CCDC88A: variants seen among roughly 807,000 people sequenced by gnomAD.
CCDC88A encodes coiled-coil and HOOK domain protein 88A.
CCDC88A carries 54 observed loss-of-function variants against 234.3 expected under a neutral mutation model. That is an observed-to-expected ratio of 0.23 (90% CI 0.19 to 0.29). The LOEUF is 0.29. Ranked by LOEUF, CCDC88A falls within the 10% of genes least tolerant of loss-of-function variation. CCDC88A has a pLI of 1.00. For missense variants in CCDC88A, 1,832 were observed against 2,123.4 expected, an observed-to-expected ratio of 0.86 and a Z score of 2.70; for synonymous variants, 753 against 737.8, an observed-to-expected ratio of 1.02 and a Z score of -0.33.
chr2:55,379,209 G>A (rs757897237), intron 3 of CCDC88A, among the ~76,000 whole-genome samples: 2 of 152,000 alleles, frequency 1.3e-5, no homozygotes, highest in Non-Finnish European at 2.9e-5. Flanking sequence ...ACTCAACTTA[G>A]CTCTAAAGAA....
Position 55,328,441 on chromosome 2 carries a change from C to A in CCDC88A, c.2856-6G>T. The A allele has an allele frequency of 6.5e-7, 1 of 1,534,538 alleles. No individual in the cohort carries two copies. Among genetic ancestry groups the A allele is most frequent in the South Asian group, 1.2e-5 (1 of 80,866 alleles). On this transcript the variant is annotated splice_polypyrimidine_tract_variant and splice_region_variant and intron_variant, in intron 16 of 32. Transcript: ENST00000436346. The surrounding 1 kb of genome is among the most constrained non-coding windows in gnomAD (Gnocchi z 4.3). ...ATTCCAAAAGTTTATACCTACTATC[C>A]AAGTACAAAGTAATGTAGTTCATTA...
rs146849168 is a variant in CCDC88A at position 55,309,088 on chromosome 2, A to C, written c.4173-65T>G. On this transcript the variant is annotated intron_variant, in intron 24 of 32. Coordinates refer to ENST00000436346, the MANE Select transcript of CCDC88A (RefSeq NM_001365480.1). The surrounding 1 kb of genome is among the most constrained non-coding windows in gnomAD (Gnocchi z 5.1). The stretch of plus-strand genomic sequence containing the variant: ...ACATACAAATCCTTCACAAAAGTAG[A>C]AGTCATCACAATATTAGAAATAACC... The C allele has an allele frequency of 2.7e-5, 39 of 1,460,150 alleles. No homozygotes were observed. The African/African-American group carries it at 4.6e-4, about 17-fold the overall frequency. 90.4% of individuals were successfully genotyped at this position (1,460,150 alleles called of 1,614,324 possible). A position where few individuals can be genotyped will look rare whatever the true frequency, so the allele number is the denominator to read the frequency against.
intron 3 of CCDC88A, among the ~76,000 whole-genome samples, chr2:55,378,487 T>C (rs1191907108): frequency 6.6e-6 from 1 of 152,132 alleles, no homozygotes; most frequent in Non-Finnish European, 1.5e-5. Context: ...TGATGTACAA[T>C]ACATATGCCT....
intron 2 of CCDC88A, among the ~76,000 whole-genome samples, chr2:55,409,738 CTTTTTT>C (rs61703330): frequency 3.6e-5 from 4 of 111,734 alleles, no homozygotes; most frequent in East Asian, 3.7e-4. Flanking sequence ...ATATACCTCC[CTTTTTT>C]TTTTTTTTTT....
In CCDC88A at chr2:55,317,637, G is replaced by A; in HGVS notation, c.3529C>T (p.Leu1177Phe). 2 of 1,610,852 alleles carry A rather than the reference G, an allele frequency of 1.2e-6. No homozygotes were observed. The highest frequency in any genetic ancestry group is 1.7e-6 in the Non-Finnish European group (2 of 1,177,646). ...TTCAGAGTTCCATGTTTAGAGATAA[G>A]AGATTCATACTCTGAAGCCTGACGT... ...HERQASEYES[L>F]ISKHGTLKSA... is the part of the protein sequence containing the mutation. The change falls in exon 20 of 33, where the codon CTT (leucine) becomes TTT (phenylalanine). Residue 1177 changes from leucine (L) to phenylalanine (F), a missense_variant. Physicochemically the swap from Leu to Phe is conservative, Grantham distance 22. This residue lies in a region of CCDC88A where 1,282 missense variants were observed against 1,543.6 expected (regional missense o/e 0.83). Transcript: ENST00000436346. This position sits in a 1 kb window ranked among gnomAD's most constrained non-coding sequence, Gnocchi z 4.2.
intron 8 of CCDC88A, chr2:55,350,068 G>C (rs13417988): frequency 0.055 from 8,327 of 152,720 alleles, 715 homozygotes; most frequent in African/African-American, 0.18. Context: ...TACAGGCGCC[G>C]GCCACTATGC....
In CCDC88A at chr2:55,411,227, G is replaced by C. The variant is rs199865521; in HGVS notation, c.164+7589C>G. 1.6e-4 allele frequency among the ~76,000 whole-genome samples: 24 copies of C among 152,300 alleles called. No individual in the cohort carries two copies. The East Asian group carries it at 4.2e-3, about 27-fold the overall frequency. On this transcript the variant is annotated intron_variant, in intron 2 of 32. Coordinates refer to ENST00000436346, the MANE Select transcript of CCDC88A (RefSeq NM_001365480.1). ...TTTCATGGATCCTAAAAGAAAGTCA[G>C]CTGGTGTCCTTTTGAAAGAACTGGT...
chr2:55,328,135 C>T lies in CCDC88A; in HGVS notation c.2997+159G>A, dbSNP rs534277797. ...AATAAGCTATACCATATTCATATGACAGAGATCTGTTTAAGAATATTCTCA... is the reference window on the plus strand; with the variant it reads ...AATAAGCTATACCATATTCATATGATAGAGATCTGTTTAAGAATATTCTCA... On this transcript the variant is annotated intron_variant, in intron 17 of 32. Transcript: ENST00000436346. The surrounding 1 kb of genome is among the most constrained non-coding windows in gnomAD (Gnocchi z 4.3). 1.3e-5 allele frequency among the ~76,000 whole-genome samples: 2 copies of T among 152,096 alleles called. No homozygotes were observed. Among genetic ancestry groups the T allele is most frequent in the East Asian group, 3.9e-4 (2 of 5,178 alleles).
intron 7 of CCDC88A, among the ~76,000 whole-genome samples, chr2:55,358,395 T>C (rs750708109): frequency 1.3e-5 from 2 of 152,176 alleles, no homozygotes; most frequent in African/African-American, 4.8e-5. Context: ...TGCTCCAAGA[T>C]GATAAAGCTC....
intron 3 of CCDC88A, among the ~76,000 whole-genome samples, chr2:55,383,730 T>C (rs1313709523): frequency 6.6e-6 from 1 of 152,134 alleles, no homozygotes; most frequent in South Asian, 2.1e-4. Flanking sequence ...TTAAGTTTTC[T>C]ACAGTCGTTC....
intron 2 of CCDC88A, among the ~76,000 whole-genome samples, chr2:55,396,231 A>C (rs1677526614): frequency 6.6e-6 from 1 of 152,224 alleles, no homozygotes; most frequent in South Asian, 2.1e-4. Context: ...GAACAGAGTA[A>C]GAACAACACC....
In CCDC88A at chr2:55,401,433, C is replaced by CAAAAAAAA. The variant is rs1418741634; in HGVS notation, c.165-12548_165-12547insTTTTTTTT. ...TGGATGACAGAGAAAGACTCTGTCT[C>CAAAAAAAA]CAAAAAAAAAAAAAATATATATATA... is the stretch of plus-strand genomic sequence containing the variant. On this transcript the variant is annotated intron_variant, in intron 2 of 32. Transcript: ENST00000436346. Among the ~76,000 whole-genome samples the CAAAAAAAA allele has an allele frequency of 1.1e-3, 32 of 30,128 alleles. 2 individuals carry two copies. The highest frequency in any genetic ancestry group is 4.8e-3 in the African/African-American group (20 of 4,142). 19.8% of individuals were successfully genotyped at this position (30,128 alleles called of 152,430 possible).
intron 18 of CCDC88A, 62 bp from the exon 19 acceptor site, chr2:55,319,066 T>C (rs1683298493): frequency 1.5e-6 from 2 of 1,326,752 alleles, no homozygotes; most frequent in African/African-American, 2.9e-5. Flanking sequence ...AATATGTTTC[T>C]ATAGTATACT....
chr2:55,296,148 T>C, intron 30 of CCDC88A, 92 bp from the exon 31 acceptor site: 1 of 1,288,594 alleles, frequency 7.8e-7, no homozygotes, highest in Non-Finnish European at 1.1e-6. Flanking sequence ...AAAATTGTGG[T>C]ACCTCTTAAT....
chr2:55,304,741 T>C (rs1197805973), intron 25 of CCDC88A, among the ~76,000 whole-genome samples: 1 of 152,184 alleles, frequency 6.6e-6, no homozygotes. Flanking sequence ...CTAGAGTCAC[T>C]AACCATTCTT....
In CCDC88A at chr2:55,318,915, A is replaced by G. The variant is rs758663273; in HGVS notation, c.3252T>C (p.Leu1084=). Residue 1084 remains leucine, a synonymous_variant, in exon 19 of 33, where the codon CTT becomes CTC. Transcript: ENST00000436346. The part of the protein sequence containing the change: ...TQNNNLQAQI[L]ALQRQTVSLQ... ...ATGACACTGTCTGCCTCTGAAGTGC[A>G]AGAATCTGAGCCTGCAAATTATTGT... 133 of 1,613,312 alleles carry G rather than the reference A, an allele frequency of 8.2e-5. No homozygotes were observed. Among genetic ancestry groups the G allele is most frequent in the Non-Finnish European group, 1.7e-5 (20 of 1,179,562 alleles).
At chr2:55,378,914 T>C (rs1558775674) in intron 3 of CCDC88A, among the ~76,000 whole-genome samples, 1 of 152,012 alleles carries the variant, frequency 6.6e-6, no homozygotes, top group African/African-American at 2.4e-5. Context: ...TCCAGCCAAT[T>C]TTTGTATTTT....
chr2:55,401,186 T>C lies in CCDC88A; in HGVS notation c.165-12300A>G, dbSNP rs543170532. Among the ~76,000 whole-genome samples, 162 of 151,632 alleles carry C rather than the reference T, an allele frequency of 1.1e-3. 1 individual carries two copies. Among genetic ancestry groups the C allele is most frequent in the Non-Finnish European group, 1.7e-3 (115 of 67,894 alleles). On this transcript the variant is annotated intron_variant, in intron 2 of 32. Coordinates refer to ENST00000436346, the MANE Select transcript of CCDC88A (RefSeq NM_001365480.1). ...GGCTCATACCCATAATCCCAGCACTTTGGGAGGCTGAGGCCAGAGAATTGC... is the reference window on the plus strand; with the variant it reads ...GGCTCATACCCATAATCCCAGCACTCTGGGAGGCTGAGGCCAGAGAATTGC...
At chr2:55,363,699 C>T (rs976717664) in intron 6 of CCDC88A, 2 of 320,210 alleles carry the variant, frequency 6.2e-6, no homozygotes, top group Non-Finnish European at 1.1e-5. Context: ...AAGACATATA[C>T]CTCATTCCTC....
Sources: gnomAD v4.1 joint callset for allele counts (sites outside exome capture counted in the v4.1 genomes callset) on GRCh38, gnomAD v4.1.1 for gene constraint, gnomAD v4.1.1 regional missense constraint, Gnocchi (gnomAD v3.1) non-coding constraint, MANE v1.5 for transcripts, NCBI Gene and HGNC (gene_info 2026-07-23, HGNC 2026-07-21) for gene names.